The following NELL2 variants were observed in gnomAD, a reference collection of about 807,000 sequenced individuals.
NELL2 encodes neural EGFL like 2.
In NELL2, 41 loss-of-function variants were observed where a neutral mutation model predicts 109.6. That is an observed-to-expected ratio of 0.37 (90% CI 0.29 to 0.49). The LOEUF (loss-of-function observed/expected upper bound fraction) is 0.49. NELL2 is among the 20% of genes least tolerant of loss of function. The pLI is 0.98. For missense variants in NELL2, 900 were observed against 1,008.3 expected (o/e 0.89, Z 1.45); for synonymous variants, 355 against 344.7 (o/e 1.03, Z -0.33).
At chr12:44,869,969 C>A (rs1323744311) in intron 2 of NELL2, among the ~76,000 whole-genome samples, 3 of 152,202 alleles carry the variant, frequency 2.0e-5, no homozygotes, top group Non-Finnish European at 4.4e-5. Flanking sequence ...ACCTTCAACA[C>A]TTTTGTTGCT....
upstream of NELL2, among the ~76,000 whole-genome samples, chr12:44,918,624 G>A (rs543676138): frequency 6.0e-4 from 88 of 146,892 alleles, no homozygotes; most frequent in Non-Finnish European, 9.7e-4. Flanking sequence ...TTCCATATTC[G>A]CACAGGCAAG....
intron 9 of NELL2, among the ~76,000 whole-genome samples, chr12:44,741,172 T>C (rs1939937723): frequency 6.6e-6 from 1 of 152,224 alleles, no homozygotes; most frequent in Non-Finnish European, 1.5e-5. Context: ...TATGATAATC[T>C]ACTTCCACTT....
chr12:44,563,739 C>T (rs1943557870), intron 15 of NELL2, among the ~76,000 whole-genome samples: 1 of 152,218 alleles, frequency 6.6e-6, no homozygotes, highest in Admixed American at 6.5e-5. Flanking sequence ...ACGGAACTGT[C>T]AGTTCGTTGA....
chr12:44,854,660 A>T (rs1216579419), intron 2 of NELL2, among the ~76,000 whole-genome samples: 9 of 30,402 alleles, frequency 3.0e-4, no homozygotes, highest in African/African-American at 5.8e-4. Flanking sequence ...GGATGGATGG[A>T]TGGATGGATG....
At chr12:44,890,305 C>A (rs1275825324) in intron 1 of NELL2, among the ~76,000 whole-genome samples, 1 of 152,170 alleles carries the variant, frequency 6.6e-6, no homozygotes, top group Non-Finnish European at 1.5e-5. Context: ...TCTTAGTATT[C>A]ACAGCGCTAA....
At chr12:44,894,076 A>C (rs1216082284) in intron 1 of NELL2, among the ~76,000 whole-genome samples, 3 of 152,256 alleles carry the variant, frequency 2.0e-5, no homozygotes, top group Non-Finnish European at 4.4e-5. Context: ...TTGTTCAATG[A>C]AAGTTTGTAT....
At chr12:44,716,381 T>C (rs528750499) in intron 9 of NELL2, among the ~76,000 whole-genome samples, 2 of 152,286 alleles carry the variant, frequency 1.3e-5, no homozygotes, top group Admixed American at 1.3e-4. Flanking sequence ...TAAAATTTAC[T>C]TGCACTAATC....
upstream of NELL2, chr12:44,876,938 C>G (rs1207819063): frequency 1.6e-6 from 2 of 1,214,586 alleles, no homozygotes. Flanking sequence ...GGAGAGCTTC[C>G]CCGGCGCGGA....
intron 12 of NELL2, among the ~76,000 whole-genome samples, chr12:44,679,863 C>T (rs906148728): frequency 2.6e-5 from 4 of 152,134 alleles, no homozygotes; most frequent in Admixed American, 6.5e-5. Context: ...TCTTCCCTAA[C>T]CTCTGGCCAC....
chr12:44,722,193 TG>T (rs1462325151), intron 9 of NELL2, among the ~76,000 whole-genome samples: 1 of 152,124 alleles, frequency 6.6e-6, no homozygotes, highest in Non-Finnish European at 1.5e-5. Context: ...TTTTTTTTTT[TG>T]CAACAGGGTC....
intron 11 of NELL2, among the ~76,000 whole-genome samples, chr12:44,707,971 T>G (rs1463816890): frequency 6.6e-6 from 1 of 152,152 alleles, no homozygotes; most frequent in Non-Finnish European, 1.5e-5. Context: ...CTTATAATTA[T>G]GAGTTGAGAT....
At position 44,825,391 on chromosome 12, in the gene NELL2, CTTT is replaced by C. The variant is rs34266446; in HGVS notation, c.185-9258_185-9256del. ...TAAATCATATTGTTTTATTCATTTC[CTTT>C]TTTTTTTTTTTTTTTTTTTTGAGAC... On this transcript the variant is annotated intron_variant, in intron 2 of 19. Coordinates refer to ENST00000429094, the MANE Select transcript of NELL2 (RefSeq NM_001145108.2). Among the ~76,000 whole-genome samples, 404 of 83,568 alleles carry C rather than the reference CTTT, an allele frequency of 4.8e-3. 4 individuals carry two copies. In the East Asian group the frequency reaches 0.11, roughly 23 times the overall value. The allele number at this position is 83,568 out of a possible 152,430, so 54.8% of individuals were successfully genotyped here.
intron 13 of NELL2, among the ~76,000 whole-genome samples, chr12:44,638,897 A>G (rs1181593488): frequency 1.3e-5 from 2 of 152,228 alleles, no homozygotes; most frequent in Admixed American, 1.3e-4. Flanking sequence ...AGTCATATAT[A>G]TAATTTAATT....
At chr12:44,856,574 G>C (rs1011752288) in intron 2 of NELL2, among the ~76,000 whole-genome samples, 1 of 152,154 alleles carries the variant, frequency 6.6e-6, no homozygotes, top group African/African-American at 2.4e-5. Context: ...CTGTCTGGGG[G>C]AAGAGCATTC....
At chr12:44,892,969 G>A (rs919292742) in intron 1 of NELL2, among the ~76,000 whole-genome samples, 3 of 151,974 alleles carry the variant, frequency 2.0e-5, no homozygotes, top group Non-Finnish European at 2.9e-5. Context: ...AACTCATTTG[G>A]AAATTCACAT....
chr12:44,690,548 A>G (rs935715365), intron 12 of NELL2, among the ~76,000 whole-genome samples: 18 of 152,226 alleles, frequency 1.2e-4, no homozygotes, highest in African/African-American at 4.3e-4. Flanking sequence ...CTTGAAAAAA[A>G]AAAAACTGCC....
intron 19 of NELL2, among the ~76,000 whole-genome samples, chr12:44,517,396 TCTCTC>T (rs1349691240): frequency 2.0e-5 from 3 of 150,968 alleles, no homozygotes; most frequent in South Asian, 2.1e-4. Context: ...TCTCTCTCTC[TCTCTC>T]TCTCTCTCTC....
intron 2 of NELL2, among the ~76,000 whole-genome samples, chr12:44,864,595 G>A (rs1329080628): frequency 6.6e-6 from 1 of 152,084 alleles, no homozygotes; most frequent in Non-Finnish European, 1.5e-5. Context: ...AGAAGAGATA[G>A]ACTGCAATAC....
chr12:44,740,465 A>AT (rs1939893329), intron 9 of NELL2, among the ~76,000 whole-genome samples: 1 of 152,030 alleles, frequency 6.6e-6, no homozygotes, highest in Admixed American at 6.6e-5. Context: ...TTTTCTCTTT[A>AT]TTTTTCAGTC....
Sources: allele counts gnomAD v4.1 joint callset (sites outside exome capture counted in the v4.1 genomes callset), GRCh38; gene constraint gnomAD v4.1.1; transcripts MANE v1.5; gene names NCBI Gene and HGNC (gene_info 2026-07-23, HGNC 2026-07-21).